The following RAB11A variants were observed in gnomAD, a reference collection of about 807,000 sequenced individuals.
The protein encoded by RAB11A is RAB11A, member RAS oncogene family.
Under a neutral mutation model 28.0 loss-of-function variants are expected in RAB11A, and 9 were observed. The observed-to-expected ratio is 0.32, with a 90% CI of 0.19 to 0.56. The LOEUF (loss-of-function observed/expected upper bound fraction) is 0.56, where lower values mean the gene tolerates loss of function less well. Ranked by LOEUF, RAB11A falls within the 20% of genes least tolerant of loss-of-function variation. The pLI is 0.91. For synonymous variants in RAB11A, 85 were observed against 88.2 expected (o/e 0.96, Z 0.20); for missense variants, 108 against 269.6 (o/e 0.40, Z 4.20).
At chr15:65,869,931 G>C (rs368563912) in intron 1 of RAB11A, 42 of 273,558 alleles carry the variant, frequency 1.5e-4, no homozygotes, top group African/African-American at 8.3e-4. Flanking sequence ...CGGGTTCTAC[G>C]GCCCCGCCGC....
chr15:65,872,786 C>A (rs1356726851), intron 1 of RAB11A, among the ~76,000 whole-genome samples: 1 of 152,040 alleles, frequency 6.6e-6, no homozygotes, highest in Non-Finnish European at 1.5e-5. Context: ...TTTTCTTTTT[C>A]TTTTTTAACT....
intron 3 of RAB11A, among the ~76,000 whole-genome samples, chr15:65,879,367 C>T (rs1422906937): frequency 2.0e-5 from 3 of 150,554 alleles, no homozygotes; most frequent in Admixed American, 6.6e-5. Context: ...TAAGTAGGGT[C>T]GGGCATGGTG....
In RAB11A at chr15:65,879,657, G is replaced by A. The variant is rs2078210195; in HGVS notation, c.431-14G>A. On this transcript the variant is annotated splice_polypyrimidine_tract_variant and intron_variant, in intron 3 of 4. Transcript: ENST00000261890. ...TAAAACTTAACAAGACTGAACTTTT[G>A]TGTCTCCCCTCAGAAAAGAATGGTT... 2 of 1,560,744 alleles carry A rather than the reference G, an allele frequency of 1.3e-6. No individual in the cohort carries two copies. Among genetic ancestry groups the A allele is most frequent in the Non-Finnish European group, 1.8e-6 (2 of 1,135,454 alleles).
At chr15:65,872,956 A>G (rs967704263) in intron 1 of RAB11A, among the ~76,000 whole-genome samples, 7 of 152,166 alleles carry the variant, frequency 4.6e-5, no homozygotes, top group African/African-American at 1.7e-4. Context: ...AGCAAATGCA[A>G]TAGTTGAGGG....
intron 1 of RAB11A, among the ~76,000 whole-genome samples, chr15:65,874,486 C>T (rs1242295746): frequency 1.3e-5 from 2 of 152,084 alleles, no homozygotes; most frequent in African/African-American, 4.8e-5. Flanking sequence ...GGTGATCCAC[C>T]CTCCTTGGCC....
Position 65,887,770 on chromosome 15 carries a change from A to T in RAB11A, c.581A>T (p.Asn194Ile), listed in dbSNP as rs375723446. The T allele has an allele frequency of 6.2e-7, 1 of 1,613,846 alleles. No homozygotes were observed. The highest frequency in any genetic ancestry group is 8.5e-7 in the Non-Finnish European group (1 of 1,179,832). Residue 194 changes from asparagine to isoleucine, a missense_variant, in exon 5 of 5, where the codon AAT becomes ATT. Asn to Ile is a moderately radical substitution (Grantham distance 149, BLOSUM62 -3). This residue lies in a region of RAB11A where 85 missense variants were observed against 145.9 expected (regional missense o/e 0.58). Coordinates refer to ENST00000261890, the MANE Select transcript of RAB11A (RefSeq NM_004663.5). Reference sequence around the variant, plus strand: ...GAAAATGACATGTCTCCAAGCAACAATGTGGTTCCTATTCATGTTCCACCA... The same window carrying T: ...GAAAATGACATGTCTCCAAGCAACATTGTGGTTCCTATTCATGTTCCACCA... ...RRENDMSPSN[N>I]VVPIHVPPTT...
Position 65,869,511 on chromosome 15 carries a change from G to T in RAB11A, c.-75G>T. 6.4e-7 allele frequency: 1 copy of T among 1,566,552 alleles called. No individual in the cohort carries two copies. Among genetic ancestry groups the T allele is most frequent in the South Asian group, 1.2e-5 (1 of 86,946 alleles). Reference sequence around the variant, plus strand: ...CCGGCAGTTGAAGCTCGGCGCTCGGGTTACCCCTGCAGCGACGCCCCCTGG... The same window carrying T: ...CCGGCAGTTGAAGCTCGGCGCTCGGTTTACCCCTGCAGCGACGCCCCCTGG... On this transcript the variant is annotated 5_prime_UTR_variant, in exon 1 of 5. Coordinates refer to ENST00000261890, the MANE Select transcript of RAB11A (RefSeq NM_004663.5).
chr15:65,869,504 C>T lies in RAB11A; in HGVS notation c.-82C>T. 6.5e-7 allele frequency: 1 copy of T among 1,547,650 alleles called. No homozygotes were observed. The highest frequency in any genetic ancestry group is 8.7e-7 in the Non-Finnish European group (1 of 1,146,470). On this transcript the variant is annotated 5_prime_UTR_variant, in exon 1 of 5. Transcript: ENST00000261890. ...ACCCAGTCCGGCAGTTGAAGCTCGGCGCTCGGGTTACCCCTGCAGCGACGC... is the reference window on the plus strand; with the variant it reads ...ACCCAGTCCGGCAGTTGAAGCTCGGTGCTCGGGTTACCCCTGCAGCGACGC...
In RAB11A at chr15:65,869,544, G is replaced by C; in HGVS notation, c.-42G>C. The C allele has an allele frequency of 6.2e-7, 1 of 1,604,556 alleles. No homozygotes were observed. The highest frequency in any genetic ancestry group is 2.2e-5 in the East Asian group (1 of 44,774). ...TGCAGCGACGCCCCCTGGTCCCACAGATACCACTGCTGCTCCCGCCCTTTC... is the reference window on the plus strand; with the variant it reads ...TGCAGCGACGCCCCCTGGTCCCACACATACCACTGCTGCTCCCGCCCTTTC... On this transcript the variant is annotated 5_prime_UTR_variant, in exon 1 of 5. Transcript: ENST00000261890.
chr15:65,873,845 C>T (rs1308182354), intron 1 of RAB11A, among the ~76,000 whole-genome samples: 5 of 152,072 alleles, frequency 3.3e-5, no homozygotes, highest in African/African-American at 1.2e-4. Context: ...CCACCTTGGC[C>T]TCTCAGAGTG....
chr15:65,884,596 C>T (rs2078242994), intron 4 of RAB11A, among the ~76,000 whole-genome samples: 2 of 152,010 alleles, frequency 1.3e-5, no homozygotes, highest in Non-Finnish European at 2.9e-5. Flanking sequence ...GTTACAAGTA[C>T]AGCATACTGT....
At chr15:65,887,566 CTTTAAA>C (rs2078262849) in intron 4 of RAB11A, 129 bp from the exon 5 acceptor site, 2 of 826,768 alleles carry the variant, frequency 2.4e-6, no homozygotes, top group Non-Finnish European at 1.7e-6. Context: ...GAAAATAAAA[CTTTAAA>C]TTTATGTATT....
At chr15:65,874,268 C>T (rs2078179272) in intron 1 of RAB11A, among the ~76,000 whole-genome samples, 1 of 151,120 alleles carries the variant, frequency 6.6e-6, no homozygotes, top group Non-Finnish European at 1.5e-5. Flanking sequence ...CTCTTGTTGC[C>T]CAGGCTGGAG....
chr15:65,870,493 A>G (rs918798656), intron 1 of RAB11A, among the ~76,000 whole-genome samples: 1 of 152,094 alleles, frequency 6.6e-6, no homozygotes, highest in African/African-American at 2.4e-5. Context: ...GTGGCACCCA[A>G]CCCGGGATAA....
rs116042743 is a variant in RAB11A, at chr15:65,873,786, C to T, written c.41-3546C>T. Among the ~76,000 whole-genome samples the T allele has an allele frequency of 1.0e-2, 1,515 of 152,114 alleles. 22 individuals carry two copies. The highest frequency in any genetic ancestry group is 0.057 in the South Asian group (275 of 4,820). On this transcript the variant is annotated intron_variant, in intron 1 of 4. Coordinates refer to ENST00000261890, the MANE Select transcript of RAB11A (RefSeq NM_004663.5). ...TTTCTTTTTTGTAGAGATAGGGTCT[C>T]CCTACGTTGCCCAGGCTGGTCTCAA... is the stretch of plus-strand genomic sequence containing the variant.
rs200026109 is a variant in RAB11A at position 65,877,510 on chromosome 15, T to C, written c.219T>C (p.Tyr73=). 9.9e-6 allele frequency: 16 copies of C among 1,614,092 alleles called. No individual in the cohort carries two copies. Among genetic ancestry groups the C allele is most frequent in the East Asian group, 2.2e-5 (1 of 44,880 alleles). ...QIWDTAGQER[Y]RAITSAYYRG... The stretch of plus-strand genomic sequence containing the variant: ...GGGACACAGCAGGGCAAGAGCGATA[T>C]CGAGCTATAACATCAGCGTAAGTCT... Residue 73 remains tyrosine, a synonymous_variant, in exon 2 of 5, where the codon TAT becomes TAC. Coordinates refer to ENST00000261890, the MANE Select transcript of RAB11A (RefSeq NM_004663.5). This position sits in a 1 kb window ranked among gnomAD's most constrained non-coding sequence, Gnocchi z 4.1.
At chr15:65,875,943 A>T (rs1466809788) in intron 1 of RAB11A, among the ~76,000 whole-genome samples, 8 of 152,218 alleles carry the variant, frequency 5.3e-5, no homozygotes, top group Admixed American at 4.6e-4. Context: ...AGATAAGAAG[A>T]AGTCTTAGTA....
intron 1 of RAB11A, among the ~76,000 whole-genome samples, chr15:65,871,934 T>TTG (rs1365851790): frequency 7.4e-6 from 1 of 135,352 alleles, no homozygotes; most frequent in African/African-American, 2.8e-5. Flanking sequence ...TTTTTTTTTT[T>TTG]TTTTTTTTTT....
intron 4 of RAB11A, among the ~76,000 whole-genome samples, chr15:65,881,138 T>TG (rs2078220067): frequency 6.6e-6 from 1 of 152,210 alleles, no homozygotes; most frequent in African/African-American, 2.4e-5. Context: ...AGAATAGTGC[T>TG]GGGGTTGGAT....
Sources: allele counts gnomAD v4.1 joint callset (sites outside exome capture counted in the v4.1 genomes callset), GRCh38; gene constraint gnomAD v4.1.1; regional missense constraint gnomAD v4.1.1; non-coding constraint Gnocchi (gnomAD v3.1); transcripts MANE v1.5; gene names NCBI Gene and HGNC (gene_info 2026-07-23, HGNC 2026-07-21).